TTLL9: variants seen among roughly 807,000 people sequenced by gnomAD.
TTLL9 encodes tubulin tyrosine ligase like 9.
In TTLL9, 47 loss-of-function variants were observed where a neutral mutation model predicts 65.6. That is an observed-to-expected ratio of 0.72 (90% CI 0.57 to 0.91). TTLL9 has a LOEUF of 0.91. Ranked by LOEUF, TTLL9 falls within the 40% of genes least tolerant of loss-of-function variation. TTLL9 has a pLI of 0.00. For synonymous variants in TTLL9, 179 were observed against 204.8 expected (o/e 0.87, Z 1.07); for missense variants, 537 against 568.8 (o/e 0.94, Z 0.57).
In TTLL9 at chr20:31,944,240, A is replaced by G. The variant is rs6061045; in HGVS notation, c.*1219A>G. 0.48 allele frequency: 75,406 copies of G among 156,970 alleles called. 20,570 individuals are homozygous for G. Among genetic ancestry groups the G allele is most frequent in the African/African-American group, 0.74 (30,999 of 41,646 alleles). The allele number at this position is 156,970 out of a possible 1,614,324, so 9.7% of individuals were successfully genotyped here. Reference sequence around the variant, plus strand: ...CCCTATTTCCAGAAGGAATGCGATTAGCTTTTTTTGGCCCAGCACCCACCC... The same window carrying G: ...CCCTATTTCCAGAAGGAATGCGATTGGCTTTTTTTGGCCCAGCACCCACCC... On this transcript the variant is annotated 3_prime_UTR_variant, in exon 15 of 15. Coordinates refer to ENST00000535842, the MANE Select transcript of TTLL9 (RefSeq NM_001008409.5).
intron 14 of TTLL9, 144 bp downstream of exon 14, chr20:31,939,410 T>A: frequency 1.1e-6 from 1 of 898,282 alleles, no homozygotes; most frequent in Non-Finnish European, 1.6e-6. Context: ...GCAAGGGACT[T>A]AACCTCTGTT....
rs142392035 is a variant in TTLL9, at chr20:31,871,863, G to A, written c.69+668G>A. Among the ~76,000 whole-genome samples the A allele has an allele frequency of 1.9e-3, 289 of 152,174 alleles. 1 individual carries two copies. Among genetic ancestry groups the A allele is most frequent in the African/African-American group, 6.8e-3 (281 of 41,516 alleles). Reference sequence around the variant, plus strand: ...CCACATGTGCAGCCACATTTAAAAAGTAGAAACAAGTTAATTGTTGATAAT... The same window carrying A: ...CCACATGTGCAGCCACATTTAAAAAATAGAAACAAGTTAATTGTTGATAAT... On this transcript the variant is annotated intron_variant, in intron 2 of 14. Transcript: ENST00000535842.
intron 2 of TTLL9, among the ~76,000 whole-genome samples, chr20:31,874,132 T>G (rs988041063): frequency 6.6e-6 from 1 of 152,256 alleles, no homozygotes; most frequent in Non-Finnish European, 1.5e-5. Flanking sequence ...ATCTATGTAC[T>G]GTTCAGCCTT....
intron 6 of TTLL9, among the ~76,000 whole-genome samples, chr20:31,918,517 G>T (rs1311943678): frequency 6.6e-6 from 1 of 152,026 alleles, no homozygotes; most frequent in East Asian, 1.9e-4. Context: ...TACTACAGGG[G>T]TGCACTCTCA....
chr20:31,881,972 TG>T (rs2123392717), intron 2 of TTLL9, among the ~76,000 whole-genome samples: 1 of 152,292 alleles, frequency 6.6e-6, no homozygotes, highest in South Asian at 2.1e-4. Context: ...TTGTTTTTGT[TG>T]TTGGAAAGGG....
In TTLL9 at chr20:31,889,427, A is replaced by ATT. The variant is rs542012541; in HGVS notation, c.113+2205_113+2206dup. On this transcript the variant is annotated intron_variant, in intron 3 of 14. Transcript: ENST00000535842. ...AGGCTCATGCCAGTGCACCTGGCTA[A>ATT]TTTTTTTTTTTTTTTTTTAGACTCT... Among the ~76,000 whole-genome samples the ATT allele has an allele frequency of 4.5e-3, 626 of 138,290 alleles. 5 individuals carry two copies. Among genetic ancestry groups the ATT allele is most frequent in the African/African-American group, 0.015 (556 of 37,198 alleles). The allele number at this position is 138,290 out of a possible 152,430, so 90.7% of individuals were successfully genotyped here.
At chr20:31,887,624 G>A (rs2063212051) in intron 3 of TTLL9, among the ~76,000 whole-genome samples, 1 of 152,258 alleles carries the variant, frequency 6.6e-6, no homozygotes, top group African/African-American at 2.4e-5. Flanking sequence ...ACCCTGTGAT[G>A]ACTTGATGAC....
At chr20:31,881,546 A>C (rs2063117915) in intron 2 of TTLL9, among the ~76,000 whole-genome samples, 1 of 151,470 alleles carries the variant, frequency 6.6e-6, no homozygotes, top group South Asian at 2.1e-4. Flanking sequence ...TCATGACCAA[A>C]CTCTCAAATT....
chr20:31,874,409 C>CTT (rs34362219), intron 2 of TTLL9, among the ~76,000 whole-genome samples: 3,965 of 122,988 alleles, frequency 0.032, 90 homozygotes, highest in Non-Finnish European at 0.04. Flanking sequence ...ATTAGCTGAT[C>CTT]TTTTTTTTTT....
At chr20:31,923,731 A>G (rs1250476231) in intron 8 of TTLL9, among the ~76,000 whole-genome samples, 1 of 152,050 alleles carries the variant, frequency 6.6e-6, no homozygotes, top group Non-Finnish European at 1.5e-5. Context: ...GGCATGCCTG[A>G]CATCATTGCA....
At chr20:31,874,405 TG>T (rs1168801627) in intron 2 of TTLL9, among the ~76,000 whole-genome samples, 8 of 148,264 alleles carry the variant, frequency 5.4e-5, no homozygotes, top group African/African-American at 1.8e-4. Flanking sequence ...GCTAATTAGC[TG>T]ATCTTTTTTT....
intron 3 of TTLL9, among the ~76,000 whole-genome samples, chr20:31,893,291 C>CT (rs34875132): frequency 0.02 from 2,633 of 130,082 alleles, 63 homozygotes; most frequent in Non-Finnish European, 0.026. Context: ...TGTTCTTTTT[C>CT]TTTTTTTTTT....
At chr20:31,885,185 A>T (rs1490427875) in intron 2 of TTLL9, among the ~76,000 whole-genome samples, 1 of 152,198 alleles carries the variant, frequency 6.6e-6, no homozygotes, top group Non-Finnish European at 1.5e-5. Context: ...GTTTTTTCGT[A>T]GAAATTGGCA....
chr20:31,875,165 C>A (rs538247768), intron 2 of TTLL9, among the ~76,000 whole-genome samples: 1 of 152,228 alleles, frequency 6.6e-6, no homozygotes, highest in East Asian at 1.9e-4. Context: ...GTGGTTTCTG[C>A]CACTGACTTT....
intron 9 of TTLL9, among the ~76,000 whole-genome samples, chr20:31,925,310 T>C (rs761077546): frequency 6.6e-5 from 10 of 152,192 alleles, no homozygotes; most frequent in Non-Finnish European, 1.3e-4. Context: ...CAGACATTTA[T>C]TGAGCACCTA....
intron 3 of TTLL9, among the ~76,000 whole-genome samples, chr20:31,887,887 T>TCTTCTCTTCTCTTCG (rs2063219437): frequency 6.6e-6 from 1 of 150,816 alleles, no homozygotes; most frequent in Non-Finnish European, 1.5e-5. Flanking sequence ...TCTTCTCTTC[T>TCTTCTCTTCTCTTCG]CTTCTCTTCT....
intron 10 of TTLL9, among the ~76,000 whole-genome samples, chr20:31,926,946 A>G (rs1458341050): frequency 2.0e-5 from 3 of 151,624 alleles, no homozygotes; most frequent in African/African-American, 7.3e-5. Context: ...CTCTATGAAA[A>G]AAATAAAAAT....
At chr20:31,925,976 G>A (rs1421071514) in intron 9 of TTLL9, 73 bp from the exon 10 acceptor site, 5 of 1,595,650 alleles carry the variant, frequency 3.1e-6, no homozygotes, top group Admixed American at 1.8e-5. Flanking sequence ...CTGGGATCCT[G>A]GCTAACCACC....
At chr20:31,912,008 G>C (rs1166854519) in intron 6 of TTLL9, among the ~76,000 whole-genome samples, 1 of 152,000 alleles carries the variant, frequency 6.6e-6, no homozygotes, top group Admixed American at 6.5e-5. Context: ...CAGGTCACTC[G>C]ACCCCCTTAA....
Sources: allele counts gnomAD v4.1 joint callset (sites outside exome capture counted in the v4.1 genomes callset), GRCh38; gene constraint gnomAD v4.1.1; transcripts MANE v1.5; gene names NCBI Gene and HGNC (gene_info 2026-07-23, HGNC 2026-07-21).